SIX3: variants seen among roughly 807,000 people sequenced by gnomAD.
The protein encoded by SIX3 is SIX homeobox 3, also known as homeobox protein SIX3.
SIX3 carries 2 observed loss-of-function variants against 21.7 expected under a neutral mutation model. That is an observed-to-expected ratio of 0.09 (90% confidence interval 0.04 to 0.29). The LOEUF (loss-of-function observed/expected upper bound fraction) is 0.29, where lower values mean the gene tolerates loss of function less well. Ranked by LOEUF, SIX3 falls within the 10% of genes least tolerant of loss-of-function variation. The pLI is 1.00. For synonymous variants in SIX3, 243 were observed against 220.6 expected (o/e 1.10, Z -0.90); for missense variants, 347 against 480.7 (o/e 0.72, Z 2.60).
intron 1 of SIX3, among the ~76,000 whole-genome samples, chr2:44,943,795 C>G (rs955518110): frequency 6.6e-6 from 1 of 152,206 alleles, no homozygotes; most frequent in African/African-American, 2.4e-5. Context: ...GGCCCAGGGC[C>G]TGGTGTACTT....
Position 44,944,881 on chromosome 2 carries a change from A to C in SIX3, c.*121A>C. On this transcript the variant is annotated 3_prime_UTR_variant, in exon 2 of 2. Coordinates refer to ENST00000260653, the MANE Select transcript of SIX3 (RefSeq NM_005413.4). ...TCCTCCATCCCCAGAACAAACCGAA[A>C]TCAGGATACCCAACCATACACACAT... 2 of 903,820 alleles carry C rather than the reference A, an allele frequency of 2.2e-6. No individual in the cohort carries two copies. The highest frequency in any genetic ancestry group is 1.6e-5 in the African/African-American group (1 of 60,670). The allele number at this position is 903,820 out of a possible 1,614,324, so 56.0% of individuals were successfully genotyped here.
At chr2:44,943,689 T>C (rs538985330) in intron 1 of SIX3, among the ~76,000 whole-genome samples, 1 of 152,128 alleles carries the variant, frequency 6.6e-6, no homozygotes, top group Non-Finnish European at 1.5e-5. Flanking sequence ...AAGAAGTGGA[T>C]AGGCGAAAGG....
chr2:44,944,709 C>G lies in SIX3; in HGVS notation c.948C>G (p.Thr316=). The G allele has an allele frequency of 1.9e-6, 3 of 1,588,480 alleles. No homozygotes were observed. Among genetic ancestry groups the G allele is most frequent in the Non-Finnish European group, 2.6e-6 (3 of 1,174,746 alleles). The change falls in exon 2 of 2, where the codon ACC becomes ACG. Residue 316 remains threonine, a synonymous_variant. Coordinates refer to ENST00000260653, the MANE Select transcript of SIX3 (RefSeq NM_005413.4). ...SVSSLTERAD[T]GTSILSVTSS... ...CCAGCCTGACGGAGCGCGCAGACAC[C>G]GGCACCTCCATCCTCTCGGTAACCT...
In SIX3 at chr2:44,941,882, C is replaced by T. The variant is rs1244675651; in HGVS notation, c.-223C>T. 1.3e-5 allele frequency: 6 copies of T among 453,064 alleles called. No individual in the cohort carries two copies. Among genetic ancestry groups the T allele is most frequent in the South Asian group, 1.3e-4 (5 of 38,096 alleles). 28.1% of individuals were successfully genotyped at this position (453,064 alleles called of 1,614,324 possible). ...CGCACCGGGCCGCTCTCCTACCTCC[C>T]TCTCTATGTGGCTGCGCGGGTGTGT... On this transcript the variant is annotated 5_prime_UTR_variant, in exon 1 of 2. Transcript: ENST00000260653.
Position 44,941,892 on chromosome 2 carries a change from G to C in SIX3, c.-213G>C, listed in dbSNP as rs1666577519. On this transcript the variant is annotated 5_prime_UTR_variant, in exon 1 of 2. Coordinates refer to ENST00000260653, the MANE Select transcript of SIX3 (RefSeq NM_005413.4). ...CGCTCTCCTACCTCCCTCTCTATGT[G>C]GCTGCGCGGGTGTGTGTGTGTGTGG... 1 of 480,486 alleles carries C rather than the reference G, an allele frequency of 2.1e-6. No homozygotes were observed. Among genetic ancestry groups the C allele is most frequent in the Non-Finnish European group, 3.9e-6 (1 of 255,002 alleles). 29.8% of individuals were successfully genotyped at this position (480,486 alleles called of 1,614,324 possible).
Position 44,941,840 on chromosome 2 carries a change from T to G in SIX3, c.-265T>G. The G allele has an allele frequency of 5.2e-6, 2 of 381,116 alleles. No individual in the cohort carries two copies. The highest frequency in any genetic ancestry group is 2.1e-5 in the African/African-American group (1 of 48,022). 23.6% of individuals were successfully genotyped at this position (381,116 alleles called of 1,614,324 possible). A position where few individuals can be genotyped will look rare whatever the true frequency, so the allele number is the denominator to read the frequency against. On this transcript the variant is annotated 5_prime_UTR_variant, in exon 1 of 2. Transcript: ENST00000260653. Reference sequence around the variant, plus strand: ...TCTCCCTCTCCCTCTCTGTCTCGGGTTCTCTCTCTGCGCGCGCGCACCGGG... The same window carrying G: ...TCTCCCTCTCCCTCTCTGTCTCGGGGTCTCTCTCTGCGCGCGCGCACCGGG...
intron 1 of SIX3, among the ~76,000 whole-genome samples, chr2:44,943,125 G>A (rs1387028586): frequency 2.0e-5 from 3 of 152,170 alleles, no homozygotes; most frequent in Non-Finnish European, 4.4e-5. Context: ...CTTTCGTCAG[G>A]GCAGAGAGTG....
Position 44,942,974 on chromosome 2 carries a change from G to T in SIX3, c.806+64G>T, listed in dbSNP as rs916114219. ...GGCCTGGGAAGGGGAGAGGGGTTGA[G>T]ATGGGGCTAGCGGAGCGGCCGCTGA... On this transcript the variant is annotated intron_variant, in intron 1 of 1. Transcript: ENST00000260653. This position sits in a 1 kb window ranked among gnomAD's most constrained non-coding sequence, Gnocchi z 8.4. 5 of 1,543,810 alleles carry T rather than the reference G, an allele frequency of 3.2e-6. No individual in the cohort carries two copies. The highest frequency in any genetic ancestry group is 3.5e-6 in the Non-Finnish European group (4 of 1,153,162).
chr2:44,944,540 G>A, intron 1 of SIX3, 28 bp from the exon 2 acceptor site: 4 of 1,552,624 alleles, frequency 2.6e-6, no homozygotes, highest in East Asian at 2.4e-5. Context: ...TCTGTGTCAG[G>A]GCGGGCGCGG....
At chr2:44,943,736 G>A (rs1297634141) in intron 1 of SIX3, among the ~76,000 whole-genome samples, 2 of 152,212 alleles carry the variant, frequency 1.3e-5, no homozygotes. Flanking sequence ...GAGGAAGTTG[G>A]GTGAAAGCCC....
chr2:44,945,710 T>C lies in SIX3; in HGVS notation c.*950T>C, dbSNP rs1666681296. 1.3e-5 allele frequency: 2 copies of C among 152,214 alleles called. No individual in the cohort carries two copies. Among genetic ancestry groups the C allele is most frequent in the Non-Finnish European group, 2.9e-5 (2 of 68,036 alleles). The allele number at this position is 152,214 out of a possible 1,614,324, so 9.4% of individuals were successfully genotyped here. Reference sequence around the variant, plus strand: ...GTAATATATGTGTAGAAATTGCCTGTATATGATATTGCTTTTTCTCCTCTC... The same window carrying C: ...GTAATATATGTGTAGAAATTGCCTGCATATGATATTGCTTTTTCTCCTCTC... On this transcript the variant is annotated 3_prime_UTR_variant, in exon 2 of 2. Transcript: ENST00000260653.
rs755489995 is a variant in SIX3 at position 44,942,554 on chromosome 2, C to T, written c.450C>T (p.His150=). 1.9e-6 allele frequency: 3 copies of T among 1,598,526 alleles called. No homozygotes were observed. The highest frequency in any genetic ancestry group is 4.5e-5 in the East Asian group (2 of 44,866). Residue 150 remains histidine (H), a synonymous_variant, in exon 1 of 2, where the codon CAC becomes CAT. Coordinates refer to ENST00000260653, the MANE Select transcript of SIX3 (RefSeq NM_005413.4). The surrounding 1 kb of genome is among the most constrained non-coding windows in gnomAD (Gnocchi z 8.4). ...FHTGNFRDLY[H]ILENHKFTKE... The stretch of plus-strand genomic sequence containing the variant: ...CGGGCAACTTCCGCGACCTCTACCA[C>T]ATCCTTGAGAACCACAAGTTCACCA...
chr2:44,943,913 C>G (rs1044735318), intron 1 of SIX3, among the ~76,000 whole-genome samples: 1 of 152,136 alleles, frequency 6.6e-6, no homozygotes, highest in African/African-American at 2.4e-5. Context: ...GCCCATGGCC[C>G]TCTCACCCCT....
rs758201999 is a variant in SIX3 at position 44,944,561 on chromosome 2, C to T, written c.807-7C>T. ...TCAGGGCGGGCGCGGATCTCTTTCT[C>T]CCGCAGGCTCCAGCACCAGGCCATT... On this transcript the variant is annotated splice_region_variant and splice_polypyrimidine_tract_variant and intron_variant, in intron 1 of 1. Coordinates refer to ENST00000260653, the MANE Select transcript of SIX3 (RefSeq NM_005413.4). 5.3e-5 allele frequency: 83 copies of T among 1,567,938 alleles called. No homozygotes were observed. The Middle Eastern group carries it at 7.9e-4, about 15-fold the overall frequency.
rs1572623640 is a variant in SIX3, at chr2:44,942,147, T to C, written c.43T>C (p.Leu15=). The change falls in exon 1 of 2, where the codon TTG becomes CTG. Residue 15 remains leucine (L), a synonymous_variant. Coordinates refer to ENST00000260653, the MANE Select transcript of SIX3 (RefSeq NM_005413.4). The surrounding 1 kb of genome is among the most constrained non-coding windows in gnomAD (Gnocchi z 8.4). ...CCTAGACCTCTATTCCTCCCACTTC[T>C]TGTTGCCAAACTTCGCCGATTCTCA... is the stretch of plus-strand genomic sequence containing the variant. ...SPLDLYSSHF[L]LPNFADSHHR... is the part of the protein sequence containing the mutation. 2 of 1,596,902 alleles carry C rather than the reference T, an allele frequency of 1.3e-6. No individual in the cohort carries two copies. Among genetic ancestry groups the C allele is most frequent in the East Asian group, 2.2e-5 (1 of 44,706 alleles).
In SIX3 at chr2:44,942,813, C is replaced by G; in HGVS notation, c.709C>G (p.Arg237Gly). Residue 237 changes from arginine to glycine, a missense_variant, in exon 1 of 2, where the codon CGC becomes GGC. Coordinates refer to ENST00000260653, the MANE Select transcript of SIX3 (RefSeq NM_005413.4). The surrounding 1 kb of genome is among the most constrained non-coding windows in gnomAD (Gnocchi z 8.4). The part of the protein sequence containing the change: ...QDPYPNPSKK[R>G]ELAQATGLTP... ...CCCCTACCCCAACCCCAGCAAGAAA[C>G]GCGAACTGGCGCAGGCCACCGGCCT... 2 of 1,599,592 alleles carry G rather than the reference C, an allele frequency of 1.3e-6. No individual in the cohort carries two copies. Among genetic ancestry groups the G allele is most frequent in the Non-Finnish European group, 1.7e-6 (2 of 1,179,926 alleles).
Position 44,944,692 on chromosome 2 carries a change from A to G in SIX3, c.931A>G (p.Thr311Ala). ...CCCGACCACCAGCGTGTCCAGCCTG[A>G]CGGAGCGCGCAGACACCGGCACCTC... ...ASPTTSVSSL[T>A]ERADTGTSIL... is the part of the protein sequence containing the mutation. Residue 311 changes from threonine to alanine, a missense_variant, in exon 2 of 2, where the codon ACG (threonine) becomes GCG (alanine). Coordinates refer to ENST00000260653, the MANE Select transcript of SIX3 (RefSeq NM_005413.4). The G allele has an allele frequency of 6.3e-7, 1 of 1,586,320 alleles. No individual in the cohort carries two copies. Among genetic ancestry groups the G allele is most frequent in the Admixed American group, 1.7e-5 (1 of 58,672 alleles).
rs551128446 is a variant in SIX3, at chr2:44,942,950, G to C, written c.806+40G>C. The C allele has an allele frequency of 2.4e-5, 38 of 1,580,758 alleles. No individual in the cohort carries two copies. The African/African-American group carries it at 5.0e-4, about 21-fold the overall frequency. Reference sequence around the variant, plus strand: ...CCGCGGCCTGGCTACAGCCTCAGAGGCCTGGGAAGGGGAGAGGGGTTGAGA... The same window carrying C: ...CCGCGGCCTGGCTACAGCCTCAGAGCCCTGGGAAGGGGAGAGGGGTTGAGA... On this transcript the variant is annotated intron_variant, in intron 1 of 1. Coordinates refer to ENST00000260653, the MANE Select transcript of SIX3 (RefSeq NM_005413.4). This position sits in a 1 kb window ranked among gnomAD's most constrained non-coding sequence, Gnocchi z 8.4.
chr2:44,942,935 G>T lies in SIX3; in HGVS notation c.806+25G>T. On this transcript the variant is annotated intron_variant, in intron 1 of 1. Transcript: ENST00000260653. This position sits in a 1 kb window ranked among gnomAD's most constrained non-coding sequence, Gnocchi z 8.4. ...GGTTAGTGGCGGGGCCCGCGGCCTG[G>T]CTACAGCCTCAGAGGCCTGGGAAGG... is the stretch of plus-strand genomic sequence containing the variant. 6.3e-7 allele frequency: 1 copy of T among 1,590,712 alleles called. No homozygotes were observed. Among genetic ancestry groups the T allele is most frequent in the Non-Finnish European group, 8.5e-7 (1 of 1,176,156 alleles).
Sources: gnomAD v4.1 joint callset for allele counts (sites outside exome capture counted in the v4.1 genomes callset) on GRCh38, gnomAD v4.1.1 for gene constraint, Gnocchi (gnomAD v3.1) non-coding constraint, MANE v1.5 for transcripts, NCBI Gene and HGNC (gene_info 2026-07-23, HGNC 2026-07-21) for gene names.